NLGN1: variants seen among roughly 807,000 people sequenced by gnomAD.
NLGN1 encodes the protein neuroligin 1.
A neutral mutation model predicts 65.5 loss-of-function variants in NLGN1; 12 were observed. The observed-to-expected ratio is 0.18, with a 90% CI of 0.12 to 0.30. NLGN1 has a LOEUF of 0.30. NLGN1 is among the 10% of genes least tolerant of loss of function. The probability of loss-of-function intolerance (pLI) is 1.00; values close to 1 mark genes in which losing one functional copy is unlikely to be tolerated. For missense variants in NLGN1, 750 were observed against 1,007.1 expected (o/e 0.74, Z 3.46); for synonymous variants, 350 against 359.5 (o/e 0.97, Z 0.30).
At chr3:173,730,894 A>G (rs1010980497) in intron 3 of NLGN1, among the ~76,000 whole-genome samples, 1 of 152,122 alleles carries the variant, frequency 6.6e-6, no homozygotes, top group Non-Finnish European at 1.5e-5. Flanking sequence ...TTTGAAAATA[A>G]TTGAGGAAAT....
intron 2 of NLGN1, among the ~76,000 whole-genome samples, chr3:173,520,151 C>G (rs549757): frequency 0.076 from 11,543 of 152,208 alleles, 519 homozygotes; most frequent in Admixed American, 0.12. Flanking sequence ...TGTAAGTTTC[C>G]TGAAGCCTCC....
intron 4 of NLGN1, among the ~76,000 whole-genome samples, chr3:174,274,081 A>G (rs1750035593): frequency 6.6e-6 from 1 of 151,414 alleles, no homozygotes; most frequent in African/African-American, 2.4e-5. Flanking sequence ...AATAAGAGAG[A>G]ATGAATTTTT....
intron 4 of NLGN1, among the ~76,000 whole-genome samples, chr3:174,168,738 CA>C (rs139368418): frequency 0.097 from 14,722 of 152,098 alleles, 875 homozygotes; most frequent in Admixed American, 0.14. Flanking sequence ...GGCAGGGAGC[CA>C]AAACAGGAGG....
chr3:173,602,157 C>T (rs1750644701), intron 2 of NLGN1, among the ~76,000 whole-genome samples: 1 of 151,936 alleles, frequency 6.6e-6, no homozygotes, highest in African/African-American at 2.4e-5. Flanking sequence ...CTGTTGAATC[C>T]ACTTCATAGG....
chr3:173,852,316 A>G (rs1448738312), intron 4 of NLGN1, among the ~76,000 whole-genome samples: 1 of 122,240 alleles, frequency 8.2e-6, no homozygotes, highest in Non-Finnish European at 1.6e-5. Context: ...AGATCGCGCC[A>G]CTGCACTCCA....
intron 3 of NLGN1, among the ~76,000 whole-genome samples, chr3:173,745,843 A>G (rs13324015): frequency 0.025 from 3,805 of 152,186 alleles, 122 homozygotes; most frequent in African/African-American, 0.075. Context: ...ATCATGGACT[A>G]TTAGTTCAAA....
At chr3:173,533,716 G>T (rs1332355210) in intron 2 of NLGN1, among the ~76,000 whole-genome samples, 1 of 152,164 alleles carries the variant, frequency 6.6e-6, no homozygotes, top group Non-Finnish European at 1.5e-5. Flanking sequence ...GGGCTCGGTG[G>T]CACGTGCCTA....
chr3:173,785,577 C>T (rs955685983), intron 3 of NLGN1, among the ~76,000 whole-genome samples: 1 of 151,548 alleles, frequency 6.6e-6, no homozygotes, highest in Non-Finnish European at 1.5e-5. Flanking sequence ...CAACATGGTA[C>T]AAAATATTTT....
intron 3 of NLGN1, among the ~76,000 whole-genome samples, chr3:173,611,923 C>G (rs1186795729): frequency 6.6e-6 from 1 of 152,022 alleles, no homozygotes; most frequent in East Asian, 1.9e-4. Flanking sequence ...ATCCTTTCTC[C>G]TACCGTATGT....
intron 2 of NLGN1, among the ~76,000 whole-genome samples, chr3:173,498,611 T>A (rs1350564227): frequency 6.6e-6 from 1 of 151,804 alleles, no homozygotes; most frequent in Non-Finnish European, 1.5e-5. Context: ...TAGTTCTAGA[T>A]CCCTGAGGAA....
At chr3:174,205,006 G>A (rs1561285867) in intron 4 of NLGN1, among the ~76,000 whole-genome samples, 2 of 152,226 alleles carry the variant, frequency 1.3e-5, no homozygotes, top group South Asian at 4.1e-4. Context: ...ATGATCACAG[G>A]ATCGTGAAGT....
intron 3 of NLGN1, among the ~76,000 whole-genome samples, chr3:173,672,435 T>C (rs1013300333): frequency 2.6e-5 from 4 of 152,238 alleles, no homozygotes; most frequent in African/African-American, 9.6e-5. Flanking sequence ...ACAGAGTCTG[T>C]TCTGACACCT....
At chr3:173,853,640 C>G (rs978144299) in intron 4 of NLGN1, among the ~76,000 whole-genome samples, 3 of 152,034 alleles carry the variant, frequency 2.0e-5, no homozygotes, top group African/African-American at 7.2e-5. Flanking sequence ...TGTGTGCTTA[C>G]TAAGTGCATT....
chr3:173,450,794 C>T (rs371740584), intron 2 of NLGN1, among the ~76,000 whole-genome samples: 61 of 152,140 alleles, frequency 4.0e-4, no homozygotes, highest in African/African-American at 1.1e-3. Flanking sequence ...CTTGTATTCA[C>T]GCTTCATTTC....
At chr3:173,426,614 G>A (rs1716160235) in intron 1 of NLGN1, among the ~76,000 whole-genome samples, 2 of 151,098 alleles carry the variant, frequency 1.3e-5, no homozygotes, top group Admixed American at 1.3e-4. Context: ...CTGTTCATGT[G>A]CTATAGCACA....
chr3:173,438,999 T>G (rs1347413789), intron 2 of NLGN1, among the ~76,000 whole-genome samples: 1 of 152,214 alleles, frequency 6.6e-6, no homozygotes, highest in Admixed American at 6.5e-5. Context: ...GATACTCACT[T>G]TCTAAGATTT....
chr3:174,061,106 C>G (rs937786951), intron 4 of NLGN1, among the ~76,000 whole-genome samples: 1 of 152,006 alleles, frequency 6.6e-6, no homozygotes, highest in African/African-American at 2.4e-5. Context: ...TTGGGATCTT[C>G]TGTGACCTTG....
intron 3 of NLGN1, among the ~76,000 whole-genome samples, chr3:173,659,737 T>C (rs1760641312): frequency 6.6e-6 from 1 of 151,644 alleles, no homozygotes; most frequent in African/African-American, 2.4e-5. Flanking sequence ...TTATTTATGA[T>C]TCTCTGGGCT....
intron 4 of NLGN1, among the ~76,000 whole-genome samples, chr3:173,810,783 T>A (rs1244271441): frequency 6.6e-6 from 1 of 152,152 alleles, no homozygotes. Context: ...AAGAAAAAAA[T>A]ACCTCTACCA....
Sources: gnomAD v4.1 joint callset for allele counts (sites outside exome capture counted in the v4.1 genomes callset) on GRCh38, gnomAD v4.1.1 for gene constraint, MANE v1.5 for transcripts, NCBI Gene and HGNC (gene_info 2026-07-23, HGNC 2026-07-21) for gene names.